The following PLPP4 variants were observed in gnomAD, a reference collection of about 807,000 sequenced individuals.
PLPP4 encodes phospholipid phosphatase 4, also known as diacylglycerol pyrophosphate like 2.
In PLPP4, 20 loss-of-function variants were observed where a neutral mutation model predicts 32.2. The observed-to-expected ratio is 0.62, with a 90% confidence interval of 0.44 to 0.90. The LOEUF (loss-of-function observed/expected upper bound fraction) is 0.90. Among genes scored for constraint, PLPP4 ranks in the 40% least tolerant of loss-of-function variants. PLPP4 has a pLI of 0.00. For synonymous variants in PLPP4, 127 were observed against 133.0 expected, an observed-to-expected ratio of 0.95 and a Z score of 0.31; for missense variants, 257 against 353.1, an observed-to-expected ratio of 0.73 and a Z score of 2.18.
At chr10:120,508,593 T>A (rs1249577304) in intron 2 of PLPP4, among the ~76,000 whole-genome samples, 2 of 152,172 alleles carry the variant, frequency 1.3e-5, no homozygotes, top group Non-Finnish European at 2.9e-5. Context: ...CCCGGCAGTG[T>A]GGTGCATGGT....
chr10:120,583,135 A>G (rs1849597266), intron 6 of PLPP4, among the ~76,000 whole-genome samples: 1 of 151,914 alleles, frequency 6.6e-6, no homozygotes, highest in Admixed American at 6.6e-5. Context: ...TCCCAAGTCA[A>G]GCTAGCTTAG....
intron 6 of PLPP4, among the ~76,000 whole-genome samples, chr10:120,575,867 TC>T (rs1254201890): frequency 1.3e-5 from 2 of 152,256 alleles, no homozygotes; most frequent in African/African-American, 4.8e-5. Context: ...AGGGGCTTGT[TC>T]CTGAAATATA....
chr10:120,542,526 A>G (rs978854), intron 5 of PLPP4, among the ~76,000 whole-genome samples: 107,989 of 152,046 alleles, frequency 0.71, 38,518 homozygotes, highest in East Asian at 0.84. Context: ...ATGTTTATGA[A>G]AGATGGGATT....
chr10:120,551,963 T>C (rs993503912), intron 5 of PLPP4, among the ~76,000 whole-genome samples: 4 of 152,184 alleles, frequency 2.6e-5, no homozygotes, highest in Non-Finnish European at 4.4e-5. Context: ...TTTTTACAAT[T>C]TGTAATTATT....
chr10:120,528,060 C>T (rs1846487546), intron 5 of PLPP4, among the ~76,000 whole-genome samples: 3 of 149,528 alleles, frequency 2.0e-5, no homozygotes, highest in Admixed American at 1.3e-4. Context: ...TTGAAAAATA[C>T]CACTCTCCGT....
At position 120,539,740 on chromosome 10, in the gene PLPP4, A is replaced by G. The variant is rs531083181; in HGVS notation, c.445+18645A>G. Among the ~76,000 whole-genome samples the G allele has an allele frequency of 3.3e-5, 5 of 152,252 alleles. No individual in the cohort carries two copies. In the East Asian group the frequency reaches 7.7e-4, roughly 23 times the overall value. ...TAAATGGATTCCATTTCAGGCCACA[A>G]GTTGTTCTCTTTCATGGGCTCTCCC... On this transcript the variant is annotated intron_variant, in intron 5 of 6. Transcript: ENST00000398250.
intron 1 of PLPP4, among the ~76,000 whole-genome samples, chr10:120,486,181 T>C (rs902480395): frequency 1.3e-5 from 2 of 152,178 alleles, no homozygotes; most frequent in Admixed American, 6.5e-5. Context: ...CCCTCTATCT[T>C]ACTAGTGTTG....
intron 1 of PLPP4, among the ~76,000 whole-genome samples, chr10:120,500,965 G>T (rs546006951): frequency 6.6e-6 from 1 of 152,198 alleles, no homozygotes; most frequent in South Asian, 2.1e-4. Context: ...CAGTATCACT[G>T]ATTCCCCCCA....
At chr10:120,464,347 G>GTTA (rs373174051) in intron 1 of PLPP4, among the ~76,000 whole-genome samples, 1 of 152,186 alleles carries the variant, frequency 6.6e-6, no homozygotes, top group African/African-American at 2.4e-5. Flanking sequence ...AAATGGTGAT[G>GTTA]TTATTATTAT....
At chr10:120,531,986 T>C (rs1369640682) in intron 5 of PLPP4, among the ~76,000 whole-genome samples, 1 of 152,136 alleles carries the variant, frequency 6.6e-6, no homozygotes, top group Non-Finnish European at 1.5e-5. Context: ...TAGGTATACA[T>C]GTGCCATGGT....
chr10:120,506,086 G>A (rs1440665463), intron 2 of PLPP4, among the ~76,000 whole-genome samples: 1 of 152,236 alleles, frequency 6.6e-6, no homozygotes, highest in Non-Finnish European at 1.5e-5. Flanking sequence ...CATGCTGGCG[G>A]TGGTAGAAAT....
At chr10:120,584,410 A>C (rs1849659296) in intron 6 of PLPP4, among the ~76,000 whole-genome samples, 1 of 152,214 alleles carries the variant, frequency 6.6e-6, no homozygotes, top group African/African-American at 2.4e-5. Context: ...GACAGCAGGG[A>C]CATGTCCCAT....
intron 5 of PLPP4, among the ~76,000 whole-genome samples, chr10:120,529,232 C>T (rs893444139): frequency 1.3e-5 from 2 of 151,954 alleles, no homozygotes; most frequent in Non-Finnish European, 1.5e-5. Context: ...GTGCTATTGG[C>T]ATCTCGAGAA....
At chr10:120,510,506 A>T (rs540975353) in intron 2 of PLPP4, among the ~76,000 whole-genome samples, 1 of 152,326 alleles carries the variant, frequency 6.6e-6, no homozygotes, top group South Asian at 2.1e-4. Flanking sequence ...TCCCCACCTT[A>T]CGTCCCTCTG....
chr10:120,554,299 C>A (rs192793794), intron 5 of PLPP4, among the ~76,000 whole-genome samples: 1 of 152,132 alleles, frequency 6.6e-6, no homozygotes, highest in Non-Finnish European at 1.5e-5. Flanking sequence ...GCAAGAGGAC[C>A]TTTATTCTAA....
intron 5 of PLPP4, among the ~76,000 whole-genome samples, chr10:120,565,307 G>A (rs1345198763): frequency 7.6e-6 from 1 of 131,410 alleles, no homozygotes; most frequent in East Asian, 2.3e-4. Context: ...CCTTTGATTT[G>A]TTTGTGTGGT....
intron 1 of PLPP4, among the ~76,000 whole-genome samples, chr10:120,484,781 AC>A (rs1219904902): frequency 1.3e-5 from 2 of 152,210 alleles, no homozygotes; most frequent in Admixed American, 1.3e-4. Context: ...GAGCCTGTGA[AC>A]GTATAACCTT....
At chr10:120,544,847 CA>C (rs1847537032) in intron 5 of PLPP4, among the ~76,000 whole-genome samples, 3 of 152,186 alleles carry the variant, frequency 2.0e-5, no homozygotes, top group African/African-American at 7.2e-5. Flanking sequence ...CCCATCTGAG[CA>C]GAGCCAGGGG....
At chr10:120,562,375 T>C (rs1480038925) in intron 5 of PLPP4, among the ~76,000 whole-genome samples, 1 of 152,196 alleles carries the variant, frequency 6.6e-6, no homozygotes, top group Non-Finnish European at 1.5e-5. Flanking sequence ...TCATACCACC[T>C]GCAAATAAGT....
Sources: allele counts gnomAD v4.1 joint callset (sites outside exome capture counted in the v4.1 genomes callset), GRCh38; gene constraint gnomAD v4.1.1; transcripts MANE v1.5; gene names NCBI Gene and HGNC (gene_info 2026-07-23, HGNC 2026-07-21).